The following TDRD3 variants were observed in gnomAD, a reference collection of about 807,000 sequenced individuals.
The protein encoded by TDRD3 is tudor domain-containing protein 3.
In TDRD3, 45 loss-of-function variants were observed where a neutral mutation model predicts 86.7. The ratio of observed to expected loss-of-function variants is 0.52; its 90% CI spans 0.41 to 0.67. The LOEUF (loss-of-function observed/expected upper bound fraction) is 0.67. TDRD3 is among the 30% of genes least tolerant of loss of function. TDRD3 has a pLI of 0.00. For synonymous variants in TDRD3, 298 were observed against 301.7 expected, an observed-to-expected ratio of 0.99 and a Z score of 0.13; for missense variants, 814 against 889.0, an observed-to-expected ratio of 0.92 and a Z score of 1.07.
At chr13:60,539,241 T>C (rs1957761852) in intron 12 of TDRD3, among the ~76,000 whole-genome samples, 1 of 152,080 alleles carries the variant, frequency 6.6e-6, no homozygotes, top group African/African-American at 2.4e-5. Context: ...GGCACTGTTC[T>C]AGGTGAGGGT....
chr13:60,427,627 T>C (rs548346322), intron 1 of TDRD3, among the ~76,000 whole-genome samples: 1 of 152,274 alleles, frequency 6.6e-6, no homozygotes, highest in South Asian at 2.1e-4. Flanking sequence ...GTTTACCCAC[T>C]ATCCTTTTCT....
intron 10 of TDRD3, among the ~76,000 whole-genome samples, chr13:60,517,824 A>G (rs953726650): frequency 6.6e-6 from 1 of 152,224 alleles, no homozygotes; most frequent in Non-Finnish European, 1.5e-5. Context: ...GTCAACAAAA[A>G]AGTACAGATT....
intron 1 of TDRD3, among the ~76,000 whole-genome samples, chr13:60,434,486 G>A (rs1171313040): frequency 6.6e-6 from 1 of 150,508 alleles, no homozygotes; most frequent in African/African-American, 2.4e-5. Flanking sequence ...AAAAAAAATT[G>A]AGCACTTACT....
chr13:60,433,660 C>T (rs1955010296), intron 1 of TDRD3, among the ~76,000 whole-genome samples: 1 of 152,134 alleles, frequency 6.6e-6, no homozygotes, highest in African/African-American at 2.4e-5. Flanking sequence ...GTACATGTAC[C>T]ACATGCAGGC....
At chr13:60,542,778 G>T (rs1048320051) in intron 12 of TDRD3, among the ~76,000 whole-genome samples, 2 of 151,884 alleles carry the variant, frequency 1.3e-5, no homozygotes, top group Non-Finnish European at 2.9e-5. Flanking sequence ...AATTTCCATT[G>T]TTTCCTAAAC....
At chr13:60,507,587 T>C (rs1156279906) in intron 8 of TDRD3, among the ~76,000 whole-genome samples, 1 of 152,184 alleles carries the variant, frequency 6.6e-6, no homozygotes, top group South Asian at 2.1e-4. Flanking sequence ...CCTGAATGAC[T>C]ACTGGGTAAA....
intron 12 of TDRD3, among the ~76,000 whole-genome samples, chr13:60,566,859 G>A (rs912717777): frequency 2.0e-5 from 3 of 152,064 alleles, no homozygotes; most frequent in African/African-American, 7.2e-5. Flanking sequence ...TGAACTGGTA[G>A]ATATACCCAC....
chr13:60,438,486 A>G (rs989086410), intron 1 of TDRD3, among the ~76,000 whole-genome samples: 5 of 152,024 alleles, frequency 3.3e-5, no homozygotes, highest in African/African-American at 9.7e-5. Context: ...ATAGTACCTC[A>G]TTTTGTTAAC....
intron 5 of TDRD3, among the ~76,000 whole-genome samples, chr13:60,477,327 G>T (rs570668522): frequency 5.5e-4 from 84 of 151,994 alleles, no homozygotes; most frequent in South Asian, 5.4e-3. Flanking sequence ...GGATCCTCCT[G>T]CCTCAGTCTC....
chr13:60,475,327 T>A (rs1305076010), intron 5 of TDRD3, among the ~76,000 whole-genome samples: 1 of 152,230 alleles, frequency 6.6e-6, no homozygotes, highest in East Asian at 1.9e-4. Flanking sequence ...CTCCCACTTA[T>A]AAGTGAGAAC....
chr13:60,500,869 A>C (rs527945114), intron 8 of TDRD3, among the ~76,000 whole-genome samples: 1 of 152,280 alleles, frequency 6.6e-6, no homozygotes, highest in African/African-American at 2.4e-5. Context: ...AATCAAGTGG[A>C]TAGGATGACC....
chr13:60,517,798 A>C (rs2137704716), intron 10 of TDRD3, among the ~76,000 whole-genome samples: 1 of 152,378 alleles, frequency 6.6e-6, no homozygotes, highest in East Asian at 1.9e-4. Context: ...TCTGTGCCAG[A>C]GCCACTTAGT....
intron 1 of TDRD3, among the ~76,000 whole-genome samples, chr13:60,420,305 G>A (rs1954623999): frequency 6.6e-6 from 1 of 151,848 alleles, no homozygotes; most frequent in Admixed American, 6.6e-5. Context: ...TTTACAATCT[G>A]TGGCCTTTTT....
At chr13:60,399,351 C>T (rs545051388) in intron 1 of TDRD3, among the ~76,000 whole-genome samples, 1 of 152,326 alleles carries the variant, frequency 6.6e-6, no homozygotes, top group East Asian at 1.9e-4. Context: ...GTTTCTCCCA[C>T]CTGTCTGTGC....
chr13:60,566,932 G>A (rs1958473575), intron 12 of TDRD3, among the ~76,000 whole-genome samples: 1 of 152,078 alleles, frequency 6.6e-6, no homozygotes, highest in African/African-American at 2.4e-5. Context: ...TCTCTATCTT[G>A]CATGAAGCTT....
intron 3 of TDRD3, among the ~76,000 whole-genome samples, chr13:60,456,788 C>A (rs1391249651): frequency 6.6e-6 from 1 of 152,082 alleles, no homozygotes; most frequent in Non-Finnish European, 1.5e-5. Context: ...CTCCACCTCC[C>A]AGGCTCAAGA....
intron 1 of TDRD3, among the ~76,000 whole-genome samples, chr13:60,407,739 T>C (rs555553226): frequency 1.3e-5 from 2 of 152,320 alleles, no homozygotes; most frequent in East Asian, 1.9e-4. Flanking sequence ...TCTTTCACAT[T>C]TGATGTTTTA....
chr13:60,549,844 C>T (rs1958009132), intron 12 of TDRD3, among the ~76,000 whole-genome samples: 1 of 151,846 alleles, frequency 6.6e-6, no homozygotes, highest in Non-Finnish European at 1.5e-5. Context: ...TAGTGCTCAT[C>T]GTATTTTTTT....
intron 4 of TDRD3, among the ~76,000 whole-genome samples, chr13:60,464,587 C>A (rs946744948): frequency 4.7e-5 from 7 of 150,262 alleles, no homozygotes; most frequent in African/African-American, 1.5e-4. Context: ...CACACACATA[C>A]ACACACACAC....
Sources: allele counts gnomAD v4.1 joint callset (sites outside exome capture counted in the v4.1 genomes callset), GRCh38; gene constraint gnomAD v4.1.1; transcripts MANE v1.5; gene names NCBI Gene and HGNC (gene_info 2026-07-23, HGNC 2026-07-21).